Variants in TRAPPC9 observed in about 807,000 individuals in gnomAD.
TRAPPC9 encodes the protein trafficking protein particle complex subunit 9, also known as IKK2 binding protein.
Under a neutral mutation model 124.0 loss-of-function variants are expected in TRAPPC9, and 83 were observed. The observed-to-expected ratio is 0.67, with a 90% confidence interval of 0.56 to 0.80. TRAPPC9 has a LOEUF of 0.80. Among genes scored for constraint, TRAPPC9 ranks in the 30% least tolerant of loss-of-function variants. The pLI is 0.00. For missense variants in TRAPPC9, 1,302 were observed against 1,508.3 expected (o/e 0.86, Z 2.27); for synonymous variants, 638 against 617.5 (o/e 1.03, Z -0.49).
intron 17 of TRAPPC9, among the ~76,000 whole-genome samples, chr8:140,125,973 C>T (rs774026835): frequency 3.9e-5 from 6 of 151,928 alleles, no homozygotes; most frequent in African/African-American, 1.5e-4. Flanking sequence ...TTAATTTCAC[C>T]GTGTTAGCCA....
chr8:139,986,167 C>G (rs1212578932), intron 19 of TRAPPC9, among the ~76,000 whole-genome samples: 1 of 152,126 alleles, frequency 6.6e-6, no homozygotes, highest in African/African-American at 2.4e-5. Context: ...CGCTTGAACC[C>G]AGGAGGTGGA....
chr8:139,757,407 T>G (rs1396309790), intron 21 of TRAPPC9, among the ~76,000 whole-genome samples: 25 of 133,646 alleles, frequency 1.9e-4, no homozygotes, highest in Admixed American at 5.9e-4. Flanking sequence ...AGCCAGGGTT[T>G]GGGGATGAGG....
chr8:139,932,374 G>A (rs377055056), intron 19 of TRAPPC9: 1 of 457,808 alleles, frequency 2.2e-6, no homozygotes, highest in African/African-American at 2.0e-5. Flanking sequence ...TGCCACACTG[G>A]ATCAGAAGCA....
At chr8:140,090,922 C>G (rs185719639) in intron 17 of TRAPPC9, among the ~76,000 whole-genome samples, 1 of 152,336 alleles carries the variant, frequency 6.6e-6, no homozygotes, top group Admixed American at 6.5e-5. Context: ...GCTCCAGAAG[C>G]CGGACTGGTG....
chr8:139,833,430 C>CA (rs957484734), intron 21 of TRAPPC9, among the ~76,000 whole-genome samples: 51 of 152,360 alleles, frequency 3.3e-4, no homozygotes, highest in African/African-American at 1.2e-3. Flanking sequence ...CACACAGGCC[C>CA]ACCCTCTCTG....
intron 16 of TRAPPC9, 52 bp from the exon 17 acceptor site, chr8:140,221,635 TTTG>T (rs565536849): frequency 1.2e-3 from 1,841 of 1,561,290 alleles, no homozygotes; most frequent in East Asian, 2.8e-3. Flanking sequence ...GGTTTTGGGG[TTTG>T]TTGTTGTTGT....
chr8:140,456,490 T>C (rs1034100763), intron 1 of TRAPPC9, among the ~76,000 whole-genome samples: 2 of 151,800 alleles, frequency 1.3e-5, no homozygotes, highest in Non-Finnish European at 2.9e-5. Flanking sequence ...CGAGGCTCAA[T>C]GAAGCTGTTA....
intron 21 of TRAPPC9, among the ~76,000 whole-genome samples, chr8:139,792,393 G>C (rs1316794505): frequency 6.6e-6 from 1 of 152,250 alleles, no homozygotes; most frequent in African/African-American, 2.4e-5. Flanking sequence ...AGAGCAGTCT[G>C]TGTGTGCCAC....
At chr8:139,821,734 C>G (rs1431455790) in intron 21 of TRAPPC9, among the ~76,000 whole-genome samples, 1 of 152,200 alleles carries the variant, frequency 6.6e-6, no homozygotes, top group African/African-American at 2.4e-5. Context: ...AAACCAGCAC[C>G]CATGGTGAGG....
intron 17 of TRAPPC9, among the ~76,000 whole-genome samples, chr8:140,033,658 G>GTTTTTTTTTTTTTTTTTTTTTT (rs776155126): frequency 4.7e-5 from 2 of 42,398 alleles, no homozygotes; most frequent in Admixed American, 3.7e-4. Flanking sequence ...TCATAATGTG[G>GTTTTTTTTTTTTTTTTTTTTTT]TTTTTTTTTT....
intron 18 of TRAPPC9, among the ~76,000 whole-genome samples, chr8:140,011,634 G>A (rs1839134853): frequency 7.1e-6 from 1 of 141,710 alleles, no homozygotes; most frequent in African/African-American, 2.6e-5. Flanking sequence ...CTCCCAAGTA[G>A]CTGGGACTAC....
chr8:139,818,575 CA>C (rs369756476), intron 21 of TRAPPC9, among the ~76,000 whole-genome samples: 53 of 139,212 alleles, frequency 3.8e-4, no homozygotes, highest in Non-Finnish European at 3.6e-4. Context: ...GGCTCTGTCT[CA>C]AAAAAAAAAA....
In TRAPPC9 at chr8:140,243,244, C is replaced by T. The variant is rs529970921; in HGVS notation, c.2431+9533G>A. ...GACCAAAGAGAAAGGATACCTGATC[C>T]GGAACACAAGTCAGACGATTCACCT... On this transcript the variant is annotated intron_variant, in intron 16 of 22. Coordinates refer to ENST00000438773, the MANE Select transcript of TRAPPC9 (RefSeq NM_001160372.4). Among the ~76,000 whole-genome samples the T allele has an allele frequency of 3.0e-4, 45 of 152,284 alleles. No individual in the cohort carries two copies. The South Asian group carries it at 7.9e-3, about 27-fold the overall frequency.
At chr8:139,970,629 C>G (rs1835998558) in intron 19 of TRAPPC9, among the ~76,000 whole-genome samples, 1 of 152,162 alleles carries the variant, frequency 6.6e-6, no homozygotes. Flanking sequence ...GAAAAAGGGT[C>G]ACCTTTTCCA....
In TRAPPC9 at chr8:140,435,128, G is replaced by T. The variant is rs1450341620; in HGVS notation, c.843C>A (p.Ala281=). ...FQGSTLPAEA[A]NRHRPGAQEV... is the part of the protein sequence containing the mutation. Reference sequence around the variant, plus strand: ...AGAGCTCACCTGGCCGGTGTCTATTGGCTGCTTCAGCAGGAAGGGTGCTGC... The same window carrying T: ...AGAGCTCACCTGGCCGGTGTCTATTTGCTGCTTCAGCAGGAAGGGTGCTGC... The change falls in exon 4 of 23, where the codon GCC becomes GCA. Residue 281 remains alanine, a synonymous_variant. Transcript: ENST00000438773. The T allele has an allele frequency of 5.0e-6, 8 of 1,614,166 alleles. No individual in the cohort carries two copies. The highest frequency in any genetic ancestry group is 6.8e-6 in the Non-Finnish European group (8 of 1,180,024).
chr8:140,168,428 G>A (rs2061891904), intron 17 of TRAPPC9, among the ~76,000 whole-genome samples: 1 of 152,098 alleles, frequency 6.6e-6, no homozygotes, highest in Non-Finnish European at 1.5e-5. Context: ...CCCCACCCAG[G>A]ACCTGAAAAT....
At chr8:140,127,082 C>A (rs1341231427) in intron 17 of TRAPPC9, among the ~76,000 whole-genome samples, 1 of 152,178 alleles carries the variant, frequency 6.6e-6, no homozygotes, top group African/African-American at 2.4e-5. Context: ...ACTTTCAAAC[C>A]AAGAGACAGA....
intron 16 of TRAPPC9, among the ~76,000 whole-genome samples, chr8:140,224,192 A>G (rs962376036): frequency 9.8e-5 from 15 of 152,326 alleles, no homozygotes; most frequent in Admixed American, 9.8e-4. Flanking sequence ...CTGAATAGGC[A>G]TGAAATGAAC....
At chr8:140,368,683 G>C (rs975656197) in intron 8 of TRAPPC9, among the ~76,000 whole-genome samples, 16 of 152,032 alleles carry the variant, frequency 1.1e-4, no homozygotes, top group African/African-American at 3.1e-4. Context: ...AGAAATAAGA[G>C]GCTAAAGTGC....
Sources: allele counts gnomAD v4.1 joint callset (sites outside exome capture counted in the v4.1 genomes callset), GRCh38; gene constraint gnomAD v4.1.1; transcripts MANE v1.5; gene names NCBI Gene and HGNC (gene_info 2026-07-23, HGNC 2026-07-21).